Variants in COL4A4 observed in about 807,000 individuals in gnomAD.
The protein encoded by COL4A4 is collagen alpha-4(IV) chain.
In COL4A4, 105 loss-of-function variants were observed where a neutral mutation model predicts 192.9. The observed-to-expected ratio is 0.54, with a 90% confidence interval of 0.46 to 0.64. The LOEUF (loss-of-function observed/expected upper bound fraction) is 0.64, where lower values mean the gene tolerates loss of function less well. Among genes scored for constraint, COL4A4 ranks in the 30% least tolerant of loss-of-function variants. COL4A4 has a pLI of 0.00. For missense variants in COL4A4, 1,967 were observed against 2,169.3 expected (o/e 0.91, Z 1.85); for synonymous variants, 762 against 769.9 (o/e 0.99, Z 0.17).
In COL4A4 at chr2:227,011,310, C is replaced by T. The variant is rs531143781; in HGVS notation, c.4334-809G>A. The stretch of plus-strand genomic sequence containing the variant: ...CCCCATCTACACTGTCAACCAGAGA[C>T]GACAAAGTGGTAGCCTGTGGACTGA... On this transcript the variant is annotated intron_variant, in intron 45 of 47. Coordinates refer to ENST00000396625, the MANE Select transcript of COL4A4 (RefSeq NM_000092.5). Among the ~76,000 whole-genome samples the T allele has an allele frequency of 9.2e-5, 14 of 152,282 alleles. No homozygotes were observed. In the South Asian group the frequency reaches 2.1e-3, roughly 23 times the overall value.
chr2:227,103,374 A>G lies in COL4A4; in HGVS notation c.817-177T>C, dbSNP rs2060634325. On this transcript the variant is annotated intron_variant, in intron 13 of 47. Coordinates refer to ENST00000396625, the MANE Select transcript of COL4A4 (RefSeq NM_000092.5). ...TTATAAACCAGATACTATTTGAGCC[A>G]GTTCTCTATGTGAGAGGTATATGGG... is the stretch of plus-strand genomic sequence containing the variant. Among the ~76,000 whole-genome samples the G allele has an allele frequency of 2.0e-5, 3 of 152,198 alleles. No individual in the cohort carries two copies. The South Asian group carries it at 6.2e-4, about 32-fold the overall frequency.
chr2:227,020,387 A>G (rs185796928), intron 44 of COL4A4, among the ~76,000 whole-genome samples: 5 of 152,286 alleles, frequency 3.3e-5, no homozygotes, highest in Admixed American at 6.5e-5. Flanking sequence ...ACGGGCCGTT[A>G]AAAAAAGTTG....
chr2:227,009,628 G>T (rs1467952703), intron 46 of COL4A4, among the ~76,000 whole-genome samples: 1 of 151,906 alleles, frequency 6.6e-6, no homozygotes, highest in African/African-American at 2.4e-5. Flanking sequence ...AACCCTGGAG[G>T]TGGAGGTTGC....
chr2:226,993,406 C>T, the COL4A4 span, among the ~76,000 whole-genome samples: 2 of 152,172 alleles, frequency 1.3e-5, no homozygotes, highest in Admixed American at 6.5e-5. Context: ...CTGGCCTGCA[C>T]TCACAAGTGC....
chr2:227,104,226 A>G, intron 12 of COL4A4, 174 bp from the exon 13 acceptor site: 1 of 653,986 alleles, frequency 1.5e-6, no homozygotes, highest in Non-Finnish European at 2.7e-6. Flanking sequence ...TAAAAATTTA[A>G]TACACACTTA....
intron 3 of COL4A4, 149 bp from the exon 4 acceptor site, chr2:227,140,387 C>T: frequency 2.9e-6 from 2 of 699,590 alleles, no homozygotes; most frequent in Non-Finnish European, 5.1e-6. Context: ...GAAGAACTTA[C>T]ACAGTAGCTT....
chr2:227,146,621 A>G (rs1351621989), intron 2 of COL4A4, among the ~76,000 whole-genome samples: 2 of 152,116 alleles, frequency 1.3e-5, no homozygotes, highest in Middle Eastern at 3.2e-3. Flanking sequence ...GAAGTCTGAA[A>G]TGGGTCTGAC....
At chr2:226,987,401 T>C in the COL4A4 span, among the ~76,000 whole-genome samples, 3 of 152,240 alleles carry the variant, frequency 2.0e-5, no homozygotes, top group Admixed American at 1.3e-4. Flanking sequence ...TTGGAGGACA[T>C]TGCCAAGGAG....
At chr2:227,100,812 T>G (rs2060468873) in intron 17 of COL4A4, among the ~76,000 whole-genome samples, 1 of 151,528 alleles carries the variant, frequency 6.6e-6, no homozygotes, top group Non-Finnish European at 1.5e-5. Flanking sequence ...GCTATTCTTT[T>G]TTTTTTTTTT....
the COL4A4 span, among the ~76,000 whole-genome samples, chr2:226,975,525 G>A: frequency 6.6e-6 from 1 of 152,094 alleles, no homozygotes; most frequent in Admixed American, 6.5e-5. Context: ...CAGAAGCCAG[G>A]CCAGTCCTAC....
chr2:226,996,999 C>T, the COL4A4 span: 1 of 152,136 alleles, frequency 6.6e-6, no homozygotes, highest in Non-Finnish European at 1.5e-5. Context: ...TCAATTTTTC[C>T]GTTGATACAT....
At chr2:227,067,669 C>T (rs1363315068) in intron 25 of COL4A4, among the ~76,000 whole-genome samples, 18 of 152,110 alleles carry the variant, frequency 1.2e-4, no homozygotes, top group South Asian at 8.3e-4. Context: ...TTGAAACCAA[C>T]GAGAACAAAG....
At chr2:227,047,438 C>G in intron 35 of COL4A4, 37 bp downstream of exon 35, 2 of 1,484,894 alleles carry the variant, frequency 1.3e-6, no homozygotes, top group Non-Finnish European at 1.9e-6. Context: ...AACTAAACTA[C>G]TTTTTTTGTT....
rs72399577 is a variant in COL4A4 at position 227,085,157 on chromosome 2, C to CA, written c.1624-2971dup. On this transcript the variant is annotated intron_variant, in intron 22 of 47. Coordinates refer to ENST00000396625, the MANE Select transcript of COL4A4 (RefSeq NM_000092.5). ...AAAAAAAAACAAAAGCAAAACGAAA[C>CA]AAAAAAAACACTTCCTCTCTGCCAG... is the stretch of plus-strand genomic sequence containing the variant. 9.2e-3 allele frequency among the ~76,000 whole-genome samples: 1,381 copies of CA among 150,388 alleles called. 21 individuals are homozygous for CA. Among genetic ancestry groups the CA allele is most frequent in the African/African-American group, 0.032 (1,300 of 40,920 alleles).
chr2:227,112,435 A>AT (rs2061266941), intron 8 of COL4A4, among the ~76,000 whole-genome samples: 1 of 151,870 alleles, frequency 6.6e-6, no homozygotes, highest in Non-Finnish European at 1.5e-5. Flanking sequence ...TGCCCAGCTA[A>AT]TTTTTTTGTA....
intron 4 of COL4A4, among the ~76,000 whole-genome samples, chr2:227,136,527 C>T (rs1411198860): frequency 6.6e-6 from 1 of 152,174 alleles, no homozygotes; most frequent in African/African-American, 2.4e-5. Flanking sequence ...AGACTGTGAG[C>T]CTCCAGCAGT....
intron 4 of COL4A4, among the ~76,000 whole-genome samples, chr2:227,126,839 T>A (rs2062119552): frequency 6.6e-6 from 1 of 152,196 alleles, no homozygotes; most frequent in African/African-American, 2.4e-5. Context: ...TTGTTTCATG[T>A]AAAAGAATGG....
the COL4A4 span, among the ~76,000 whole-genome samples, chr2:226,994,102 G>A: frequency 6.6e-6 from 1 of 152,182 alleles, no homozygotes; most frequent in South Asian, 2.1e-4. Flanking sequence ...CACCTTCCCA[G>A]TCTGCCTCTT....
At chr2:227,046,446 T>C (rs567434398) in intron 35 of COL4A4, among the ~76,000 whole-genome samples, 1 of 151,986 alleles carries the variant, frequency 6.6e-6, no homozygotes, top group African/African-American at 2.4e-5. Flanking sequence ...ATATAACTTA[T>C]TTAACCAGGC....
Sources: allele counts gnomAD v4.1 joint callset (sites outside exome capture counted in the v4.1 genomes callset), GRCh38; gene constraint gnomAD v4.1.1; transcripts MANE v1.5; gene names NCBI Gene and HGNC (gene_info 2026-07-23, HGNC 2026-07-21).